Variants in PHACTR2 observed in about 807,000 individuals in gnomAD.
PHACTR2 encodes the protein chromosome 6 open reading frame 56.
A neutral mutation model predicts 76.0 loss-of-function variants in PHACTR2; 30 were observed. The observed-to-expected ratio is 0.39, with a 90% CI of 0.30 to 0.54. The LOEUF is 0.54. Ranked by LOEUF, PHACTR2 falls within the 20% of genes least tolerant of loss-of-function variation. The probability of loss-of-function intolerance (pLI) is 0.61; values close to 1 mark genes in which losing one functional copy is unlikely to be tolerated. For synonymous variants in PHACTR2, 292 were observed against 292.5 expected (o/e 1.00, Z 0.02); for missense variants, 696 against 781.1 (o/e 0.89, Z 1.30).
chr6:143,572,344 A>G (rs1320142551), intron 1 of PHACTR2, among the ~76,000 whole-genome samples: 2 of 152,306 alleles, frequency 1.3e-5, no homozygotes, highest in African/African-American at 4.8e-5. Context: ...TGATCAATAT[A>G]TACAGCCTCA....
intron 1 of PHACTR2, among the ~76,000 whole-genome samples, chr6:143,551,713 T>C (rs1775097815): frequency 6.6e-6 from 1 of 152,120 alleles, no homozygotes; most frequent in South Asian, 2.1e-4. Context: ...ATGATAATTA[T>C]GAAGATGTTG....
At chr6:143,766,307 G>A (rs370075961) in intron 6 of PHACTR2, among the ~76,000 whole-genome samples, 1 of 152,154 alleles carries the variant, frequency 6.6e-6, no homozygotes, top group East Asian at 1.9e-4. Flanking sequence ...AAGCCATTCA[G>A]TACTTCTAGA....
At chr6:143,590,577 A>T (rs1451660784) in intron 1 of PHACTR2, among the ~76,000 whole-genome samples, 1 of 151,674 alleles carries the variant, frequency 6.6e-6, no homozygotes, top group Admixed American at 6.6e-5. Context: ...TTGCAATCAC[A>T]AGTGGGTGCT....
chr6:143,604,051 T>C (rs897829578), upstream of PHACTR2, among the ~76,000 whole-genome samples: 7 of 141,738 alleles, frequency 4.9e-5, 1 homozygote. Context: ...TGAGCCGAGA[T>C]CATGCCACTG....
At position 143,806,444 on chromosome 6, in the gene PHACTR2, T is replaced by C. The variant is rs1776066674; in HGVS notation, c.1846-613T>C. On this transcript the variant is annotated intron_variant, in intron 11 of 12. Coordinates refer to ENST00000440869, the MANE Select transcript of PHACTR2 (RefSeq NM_001100164.2). This position sits in a 1 kb window ranked among gnomAD's most constrained non-coding sequence, Gnocchi z 5.8. The stretch of plus-strand genomic sequence containing the variant: ...GTAGGCAATATTCTATGTAGAACTT[T>C]CCATAGGAAAATGGTATTGCTTCTC... 6.6e-6 allele frequency among the ~76,000 whole-genome samples: 1 copy of C among 152,180 alleles called. No individual in the cohort carries two copies. The highest frequency in any genetic ancestry group is 2.4e-5 in the African/African-American group (1 of 41,430).
Position 143,598,849 on chromosome 6 carries a change from G to T in PHACTR2, c.217+61642G>T, listed in dbSNP as rs544702142. Among the ~76,000 whole-genome samples, 2 of 152,264 alleles carry T rather than the reference G, an allele frequency of 1.3e-5. No homozygotes were observed. Among genetic ancestry groups the T allele is most frequent in the African/African-American group, 4.8e-5 (2 of 41,564 alleles). ...AAAGACTAGCTAAGTGTTTGCTGTG[G>T]TCCTAACAAGTCCACCTAGAGCCAT... is the stretch of plus-strand genomic sequence containing the variant. On this transcript the variant is annotated intron_variant, in intron 1 of 11. Transcript: ENST00000367584. The surrounding 1 kb of genome is among the most constrained non-coding windows in gnomAD (Gnocchi z 4.1).
chr6:143,633,879 T>G lies in PHACTR2; in HGVS notation c.13+25557T>G, dbSNP rs940249500. ...TCCAGTTACCTTTTGAAGATGAACT[T>G]TGTAAGATGAACTATAGATTTAAGA... On this transcript the variant is annotated intron_variant, in intron 1 of 11. Coordinates refer to the PHACTR2 transcript ENST00000305766. This position sits in a 1 kb window ranked among gnomAD's most constrained non-coding sequence, Gnocchi z 4.1. Among the ~76,000 whole-genome samples the G allele has an allele frequency of 3.3e-5, 5 of 152,220 alleles. No homozygotes were observed. Among genetic ancestry groups the G allele is most frequent in the Admixed American group, 6.5e-5 (1 of 15,276 alleles).
intron 1 of PHACTR2, among the ~76,000 whole-genome samples, chr6:143,555,516 G>GA (rs1048708017): frequency 1.3e-5 from 2 of 151,688 alleles, no homozygotes; most frequent in East Asian, 1.9e-4. Flanking sequence ...AGTTCTGTGG[G>GA]AAAAAAAGGG....
rs1775960819 is a variant in PHACTR2, at chr6:143,610,645, T to A, written c.13+2323T>A. ...TCTGCTGTTAACAAGTAAAGTAAGA[T>A]GAGCTGCTTGGGACTCCGGCCCTTT... On this transcript the variant is annotated intron_variant, in intron 1 of 11. Coordinates refer to the PHACTR2 transcript ENST00000305766. This position sits in a 1 kb window ranked among gnomAD's most constrained non-coding sequence, Gnocchi z 4.9. 6.6e-6 allele frequency among the ~76,000 whole-genome samples: 1 copy of A among 152,198 alleles called. No individual in the cohort carries two copies. The highest frequency in any genetic ancestry group is 2.4e-5 in the African/African-American group (1 of 41,454).
chr6:143,595,787 G>A lies in PHACTR2; in HGVS notation c.217+58580G>A, dbSNP rs1161760462. ...TAAAAATAAAGAATGTTACCAGAATGTTCTACTTAATTTAGCTTTCCAAAG... is the reference window on the plus strand; with the variant it reads ...TAAAAATAAAGAATGTTACCAGAATATTCTACTTAATTTAGCTTTCCAAAG... On this transcript the variant is annotated intron_variant, in intron 1 of 11. Transcript: ENST00000367584. This position sits in a 1 kb window ranked among gnomAD's most constrained non-coding sequence, Gnocchi z 4.2. Among the ~76,000 whole-genome samples the A allele has an allele frequency of 1.3e-5, 2 of 152,180 alleles. No individual in the cohort carries two copies. The highest frequency in any genetic ancestry group is 4.8e-5 in the African/African-American group (2 of 41,450).
chr6:143,755,799 C>T lies in PHACTR2; in HGVS notation c.454+1887C>T, dbSNP rs1779284823. Among the ~76,000 whole-genome samples the T allele has an allele frequency of 6.6e-6, 1 of 152,246 alleles. No homozygotes were observed. Among genetic ancestry groups the T allele is most frequent in the East Asian group, 1.9e-4 (1 of 5,172 alleles). On this transcript the variant is annotated intron_variant, in intron 4 of 12. Transcript: ENST00000440869. The surrounding 1 kb of genome is among the most constrained non-coding windows in gnomAD (Gnocchi z 5.2). Reference sequence around the variant, plus strand: ...CTTCGTGAGACTGAAAAGAATGTCACGCATAACTAATATTACAGTGTATTA... The same window carrying T: ...CTTCGTGAGACTGAAAAGAATGTCATGCATAACTAATATTACAGTGTATTA...
At position 143,793,835 on chromosome 6, in the gene PHACTR2, T is replaced by G. The variant is rs572858668; in HGVS notation, c.1845+4925T>G. On this transcript the variant is annotated intron_variant, in intron 11 of 12. Coordinates refer to ENST00000440869, the MANE Select transcript of PHACTR2 (RefSeq NM_001100164.2). The surrounding 1 kb of genome is among the most constrained non-coding windows in gnomAD (Gnocchi z 4.4). ...GGGAAGCTGAGGTGGGAGAATTGCT[T>G]GAGCCCAGGAGCAGGAGGCTGCAGT... Among the ~76,000 whole-genome samples, 1 of 152,064 alleles carries G rather than the reference T, an allele frequency of 6.6e-6. No individual in the cohort carries two copies. The highest frequency in any genetic ancestry group is 1.9e-4 in the East Asian group (1 of 5,194).
At position 143,718,875 on chromosome 6, in the gene PHACTR2, G is replaced by GTTTTT. The variant is rs1226236202; in HGVS notation, c.214+6712_214+6716dup. Among the ~76,000 whole-genome samples the GTTTTT allele has an allele frequency of 6.1e-4, 75 of 123,568 alleles. 1 individual carries two copies. The highest frequency in any genetic ancestry group is 4.5e-3 in the East Asian group (16 of 3,542). 81.1% of individuals were successfully genotyped at this position (123,568 alleles called of 152,430 possible). A position where few individuals can be genotyped will look rare whatever the true frequency, so the allele number is the denominator to read the frequency against. On this transcript the variant is annotated intron_variant, in intron 2 of 12. Coordinates refer to ENST00000440869, the MANE Select transcript of PHACTR2 (RefSeq NM_001100164.2). ...ACTAAGAAGTTGGAAAGTTGGAAGTGTTTTTTTTTTTTTTTTTTTTTTTTG... is the reference window on the plus strand; with the variant it reads ...ACTAAGAAGTTGGAAAGTTGGAAGTGTTTTTTTTTTTTTTTTTTTTTTTTTTTTTG...
In PHACTR2 at chr6:143,761,152, A is replaced by G. The variant is rs1779432314; in HGVS notation, c.694+512A>G. Reference sequence around the variant, plus strand: ...TGATAAATGACAAAGGGTTCATGTCACTTGTTTCAGCTCCACCCCACCACT... The same window carrying G: ...TGATAAATGACAAAGGGTTCATGTCGCTTGTTTCAGCTCCACCCCACCACT... On this transcript the variant is annotated intron_variant, in intron 5 of 12. Transcript: ENST00000440869. The surrounding 1 kb of genome is among the most constrained non-coding windows in gnomAD (Gnocchi z 5.2). Among the ~76,000 whole-genome samples, 1 of 152,196 alleles carries G rather than the reference A, an allele frequency of 6.6e-6. No homozygotes were observed. The highest frequency in any genetic ancestry group is 1.5e-5 in the Non-Finnish European group (1 of 68,036).
chr6:143,711,299 T>C (rs969430934), intron 1 of PHACTR2, among the ~76,000 whole-genome samples: 1 of 152,236 alleles, frequency 6.6e-6, no homozygotes, highest in Non-Finnish European at 1.5e-5. Flanking sequence ...TAAAATTTGA[T>C]AGTTGGTGTA....
rs73778657 is a variant in PHACTR2 at position 143,680,035 on chromosome 6, C to A, written c.46+1826C>A. Among the ~76,000 whole-genome samples the A allele has an allele frequency of 0.018, 2,783 of 151,784 alleles. 85 individuals are homozygous for A. The highest frequency in any genetic ancestry group is 0.062 in the African/African-American group (2,563 of 41,344). The stretch of plus-strand genomic sequence containing the variant: ...AGTTAAGGAATGACAGTGGTTATGA[C>A]TTAAGTTGTGGTATTGTAAAAGAAC... On this transcript the variant is annotated intron_variant, in intron 1 of 12. Transcript: ENST00000440869. This position sits in a 1 kb window ranked among gnomAD's most constrained non-coding sequence, Gnocchi z 4.5.
At chr6:143,572,496 C>T (rs1032828412) in intron 1 of PHACTR2, among the ~76,000 whole-genome samples, 1 of 152,172 alleles carries the variant, frequency 6.6e-6, no homozygotes, top group African/African-American at 2.4e-5. Context: ...GATTCATACT[C>T]AAACACTAAC....
At chr6:143,813,996 T>C (rs944427674) in intron 12 of PHACTR2, among the ~76,000 whole-genome samples, 2 of 152,234 alleles carry the variant, frequency 1.3e-5, no homozygotes, top group African/African-American at 4.8e-5. Flanking sequence ...ATTTTGTATG[T>C]TACATGTGTT....
chr6:143,537,653 A>G lies in PHACTR2; in HGVS notation c.217+446A>G, dbSNP rs1781130607. On this transcript the variant is annotated intron_variant, in intron 1 of 11. Coordinates refer to the PHACTR2 transcript ENST00000367584. The surrounding 1 kb of genome is among the most constrained non-coding windows in gnomAD (Gnocchi z 4.4). Reference sequence around the variant, plus strand: ...GCAGGTCTTGGGAGGCTTCCCAACTAACTGCTTATGGTTCTGAAATAAAGA... The same window carrying G: ...GCAGGTCTTGGGAGGCTTCCCAACTGACTGCTTATGGTTCTGAAATAAAGA... 6.6e-6 allele frequency among the ~76,000 whole-genome samples: 1 copy of G among 152,112 alleles called. No individual in the cohort carries two copies. The highest frequency in any genetic ancestry group is 1.5e-5 in the Non-Finnish European group (1 of 68,016).
Sources: gnomAD v4.1 joint callset for allele counts (sites outside exome capture counted in the v4.1 genomes callset) on GRCh38, gnomAD v4.1.1 for gene constraint, Gnocchi (gnomAD v3.1) non-coding constraint, MANE v1.5 for transcripts, NCBI Gene and HGNC (gene_info 2026-07-23, HGNC 2026-07-21) for gene names.